Variants in GPHN observed in about 807,000 individuals in gnomAD.
GPHN encodes gephyrin.
Under a neutral mutation model 95.5 loss-of-function variants are expected in GPHN, and 17 were observed. The ratio of observed to expected loss-of-function variants is 0.18; its 90% CI spans 0.12 to 0.27. The LOEUF (loss-of-function observed/expected upper bound fraction) is 0.27. GPHN is among the 10% of genes least tolerant of loss of function. GPHN has a pLI of 1.00. For synonymous variants in GPHN, 320 were observed against 322.5 expected, an observed-to-expected ratio of 0.99 and a Z score of 0.08; for missense variants, 660 against 978.1, an observed-to-expected ratio of 0.67 and a Z score of 4.34.
the GPHN span, chr14:67,555,918 G>C: frequency 6.2e-7 from 1 of 1,609,246 alleles, no homozygotes; most frequent in Non-Finnish European, 8.5e-7. Context: ...GCGGGAATAT[G>C]CAGGGGAATG....
intron 9 of GPHN, among the ~76,000 whole-genome samples, chr14:66,981,796 C>A (rs965370061): frequency 2.6e-5 from 4 of 152,102 alleles, no homozygotes; most frequent in African/African-American, 9.7e-5. Context: ...GGGAGAAGGT[C>A]TACATTCGTT....
chr14:66,593,250 A>T (rs7154493), intron 1 of GPHN, among the ~76,000 whole-genome samples: 47,107 of 151,664 alleles, frequency 0.31, 11,137 homozygotes, highest in African/African-American at 0.63. Flanking sequence ...ATGTATACCT[A>T]TGTAACAAAC....
the GPHN span, among the ~76,000 whole-genome samples, chr14:67,658,052 T>C: frequency 6.6e-6 from 1 of 152,158 alleles, no homozygotes; most frequent in African/African-American, 2.4e-5. Flanking sequence ...CCCGGCGCTC[T>C]GTAGCATTTT....
At chr14:66,895,565 G>T (rs1223741512) in intron 5 of GPHN, among the ~76,000 whole-genome samples, 2 of 152,004 alleles carry the variant, frequency 1.3e-5, no homozygotes, top group East Asian at 1.9e-4. Context: ...GAAGTAAAAT[G>T]ATTTATTGAT....
rs571513867 is a variant in GPHN, at chr14:66,881,575, G to A, written c.389+1542G>A. On this transcript the variant is annotated intron_variant, in intron 5 of 22. Coordinates refer to ENST00000478722, the MANE Select transcript of GPHN (RefSeq NM_020806.5). ...AGGTTAGAAAGAAAAATAAGAAATGGTCCTCTCCTTAAGGATCCCACAGTT... is the reference window on the plus strand; with the variant it reads ...AGGTTAGAAAGAAAAATAAGAAATGATCCTCTCCTTAAGGATCCCACAGTT... Among the ~76,000 whole-genome samples, 7 of 151,896 alleles carry A rather than the reference G, an allele frequency of 4.6e-5. No individual in the cohort carries two copies. In the East Asian group the frequency reaches 1.4e-3, roughly 29 times the overall value.
chr14:67,672,886 G>A, the GPHN span, among the ~76,000 whole-genome samples: 4 of 152,118 alleles, frequency 2.6e-5, no homozygotes, highest in South Asian at 2.1e-4. Context: ...CCTGCTTATC[G>A]CTCTCCTTTG....
intron 1 of GPHN, among the ~76,000 whole-genome samples, chr14:66,537,736 C>G (rs141823553): frequency 0.012 from 1,842 of 152,256 alleles, 20 homozygotes; most frequent in Non-Finnish European, 0.018. Flanking sequence ...GTGCCAGTCT[C>G]TTTGAGGCAG....
chr14:67,314,712 C>T, the GPHN span, among the ~76,000 whole-genome samples: 3 of 152,196 alleles, frequency 2.0e-5, no homozygotes, highest in South Asian at 2.1e-4. Context: ...CCAATGATGA[C>T]ATTTCTAAGT....
chr14:66,824,710 T>C (rs1339232959), intron 4 of GPHN, 144 bp downstream of exon 4: 5 of 572,002 alleles, frequency 8.7e-6, no homozygotes, highest in Non-Finnish European at 1.5e-5. Flanking sequence ...AATTTTGCTG[T>C]GGATGAATTG....
chr14:66,536,949 A>G (rs1229691612), intron 1 of GPHN, among the ~76,000 whole-genome samples: 3 of 152,108 alleles, frequency 2.0e-5, no homozygotes, highest in East Asian at 1.9e-4. Context: ...AAAACTTGGC[A>G]TTGTTATTTT....
intron 1 of GPHN, among the ~76,000 whole-genome samples, chr14:66,574,202 C>G (rs1050528668): frequency 6.6e-6 from 1 of 152,088 alleles, no homozygotes; most frequent in Non-Finnish European, 1.5e-5. Flanking sequence ...TACTGTGAAG[C>G]CTGTATAAAA....
intron 2 of GPHN, among the ~76,000 whole-genome samples, chr14:66,699,509 AT>A (rs1212942466): frequency 6.6e-6 from 1 of 152,168 alleles, no homozygotes; most frequent in Non-Finnish European, 1.5e-5. Context: ...TAAGCTTTTC[AT>A]TATGTCTTTG....
chr14:67,332,860 G>A, the GPHN span: 1 of 1,614,026 alleles, frequency 6.2e-7, no homozygotes, highest in Admixed American at 1.7e-5. Context: ...CGGCAATTGT[G>A]AATTCCGATC....
At chr14:66,584,684 T>A (rs1383267017) in intron 1 of GPHN, among the ~76,000 whole-genome samples, 5 of 152,290 alleles carry the variant, frequency 3.3e-5, no homozygotes, top group Non-Finnish European at 5.9e-5. Flanking sequence ...ATATGCTGGA[T>A]TACATTTATT....
At chr14:67,685,109 A>G in the GPHN span, 1 of 1,614,182 alleles carries the variant, frequency 6.2e-7, no homozygotes, top group Non-Finnish European at 8.5e-7. Context: ...ATGAAAAAGG[A>G]GAAAAGCCAC....
the GPHN span, among the ~76,000 whole-genome samples, chr14:67,250,754 C>A: frequency 6.6e-6 from 1 of 152,144 alleles, no homozygotes; most frequent in Non-Finnish European, 1.5e-5. Flanking sequence ...TTAGAGTTAA[C>A]GAAAATAAAT....
At chr14:66,621,286 TTCGTA>T (rs1413428677) in intron 1 of GPHN, among the ~76,000 whole-genome samples, 5 of 149,594 alleles carry the variant, frequency 3.3e-5, no homozygotes, top group Non-Finnish European at 5.9e-5. Flanking sequence ...ATTTTTTTTT[TTCGTA>T]TTTGTAGTAG....
chr14:67,712,859 A>T, the GPHN span, among the ~76,000 whole-genome samples: 5 of 152,128 alleles, frequency 3.3e-5, no homozygotes, highest in Admixed American at 6.5e-5. Context: ...TATGAAAATA[A>T]AGCCCCTTTA....
chr14:67,460,319 C>G, the GPHN span, among the ~76,000 whole-genome samples: 2 of 152,150 alleles, frequency 1.3e-5, no homozygotes, highest in African/African-American at 4.8e-5. Flanking sequence ...CCTTGAACAA[C>G]CTACTCTCCC....
Sources: gnomAD v4.1 joint callset for allele counts (sites outside exome capture counted in the v4.1 genomes callset) on GRCh38, gnomAD v4.1.1 for gene constraint, MANE v1.5 for transcripts, NCBI Gene and HGNC (gene_info 2026-07-23, HGNC 2026-07-21) for gene names.